The following PDE1A variants were observed in gnomAD, a reference collection of about 807,000 sequenced individuals.
PDE1A encodes dual specificity calcium/calmodulin-dependent 3',5'-cyclic nucleotide phosphodiesterase 1A.
A neutral mutation model predicts 61.7 loss-of-function variants in PDE1A; 35 were observed. The ratio of observed to expected loss-of-function variants is 0.57; its 90% CI spans 0.43 to 0.75. The LOEUF (loss-of-function observed/expected upper bound fraction) is 0.75. Ranked by LOEUF, PDE1A falls within the 30% of genes least tolerant of loss-of-function variation. The pLI, the probability that PDE1A is intolerant of heterozygous loss-of-function variation, is 0.00. For missense variants in PDE1A, 597 were observed against 630.6 expected, an observed-to-expected ratio of 0.95 and a Z score of 0.57; for synonymous variants, 232 against 213.2, an observed-to-expected ratio of 1.09 and a Z score of -0.77.
chr2:182,241,131 C>A (rs1269976956), intron 2 of PDE1A, among the ~76,000 whole-genome samples: 2 of 152,130 alleles, frequency 1.3e-5, no homozygotes, highest in East Asian at 1.9e-4. Flanking sequence ...AAGGAAACAT[C>A]GTTATTTTAA....
At chr2:182,597,145 C>T in the PDE1A span, among the ~76,000 whole-genome samples, 1 of 150,200 alleles carries the variant, frequency 6.7e-6, no homozygotes, top group Admixed American at 6.6e-5. Context: ...GAGTGAGACC[C>T]CATCTCAAAA....
At chr2:182,327,677 T>C (rs1475306427) in intron 1 of PDE1A, among the ~76,000 whole-genome samples, 1 of 152,180 alleles carries the variant, frequency 6.6e-6, no homozygotes, top group Non-Finnish European at 1.5e-5. Context: ...ACAAGGTCAC[T>C]GAAGACTGGC....
At chr2:182,162,233 C>T (rs1691422308) in intron 13 of PDE1A, among the ~76,000 whole-genome samples, 1 of 152,114 alleles carries the variant, frequency 6.6e-6, no homozygotes, top group African/African-American at 2.4e-5. Context: ...ATAATTGGAT[C>T]CCTGGGTGGC....
the PDE1A span, among the ~76,000 whole-genome samples, chr2:182,660,856 G>A: frequency 6.6e-6 from 1 of 152,238 alleles, no homozygotes; most frequent in African/African-American, 2.4e-5. Context: ...CAAACAGAGA[G>A]TTCAGCTAAC....
At chr2:182,521,267 T>A (rs1264025698) in intron 2 of PDE1A, among the ~76,000 whole-genome samples, 8 of 152,050 alleles carry the variant, frequency 5.3e-5, no homozygotes, top group Admixed American at 5.2e-4. Context: ...ACTGAATTTT[T>A]AAAAATAGTG....
chr2:182,312,109 T>C (rs1252265171), intron 1 of PDE1A, among the ~76,000 whole-genome samples: 1 of 152,142 alleles, frequency 6.6e-6, no homozygotes, highest in Non-Finnish European at 1.5e-5. Flanking sequence ...TCTTTTAAAT[T>C]TTTTTCCCAT....
chr2:182,410,235 T>C (rs1241436436), intron 1 of PDE1A, among the ~76,000 whole-genome samples: 2 of 151,992 alleles, frequency 1.3e-5, no homozygotes, highest in Admixed American at 6.6e-5. Flanking sequence ...GGCATGGTGG[T>C]GCACACCTGC....
chr2:182,404,169 G>A lies in PDE1A; in HGVS notation c.53+22409C>T, dbSNP rs928801804. Among the ~76,000 whole-genome samples, 11 of 152,238 alleles carry A rather than the reference G, an allele frequency of 7.2e-5. No individual in the cohort carries two copies. In the East Asian group the frequency reaches 2.1e-3, roughly 29 times the overall value. The stretch of plus-strand genomic sequence containing the variant: ...TCAAATAGGCTGAAAATTCATCCAA[G>A]TCTCAAACCTGACGACTCTGCCTTT... On this transcript the variant is annotated intron_variant, in intron 1 of 13. Transcript: ENST00000351439.
chr2:182,203,855 G>A (rs1001759314), intron 8 of PDE1A, among the ~76,000 whole-genome samples: 3 of 151,750 alleles, frequency 2.0e-5, no homozygotes, highest in Non-Finnish European at 2.9e-5. Flanking sequence ...GTTATCAAAC[G>A]TATAGCATCA....
At chr2:182,258,029 G>A (rs563310482) in intron 2 of PDE1A, among the ~76,000 whole-genome samples, 2 of 152,082 alleles carry the variant, frequency 1.3e-5, no homozygotes, top group Non-Finnish European at 2.9e-5. Flanking sequence ...TTAGCTGGGT[G>A]TGGTGGCAGG....
intron 1 of PDE1A, among the ~76,000 whole-genome samples, chr2:182,321,569 G>A (rs1365891467): frequency 1.3e-5 from 2 of 152,130 alleles, no homozygotes; most frequent in Admixed American, 6.5e-5. Context: ...AGAGAGAGGA[G>A]CCACAAAGAA....
At chr2:182,319,163 T>G (rs1486044434) in intron 1 of PDE1A, among the ~76,000 whole-genome samples, 1 of 152,164 alleles carries the variant, frequency 6.6e-6, no homozygotes, top group East Asian at 1.9e-4. Flanking sequence ...TGATTCTTTT[T>G]GATTTCTGTA....
At chr2:182,619,762 A>G in the PDE1A span, among the ~76,000 whole-genome samples, 6 of 152,130 alleles carry the variant, frequency 3.9e-5, no homozygotes, top group Non-Finnish European at 7.4e-5. Flanking sequence ...TTGTGTTGCT[A>G]TAACAGACCA....
the PDE1A span, among the ~76,000 whole-genome samples, chr2:182,644,314 T>C: frequency 1.3e-5 from 2 of 151,216 alleles, no homozygotes; most frequent in South Asian, 4.2e-4. Context: ...TGTGTGTCTG[T>C]GTATGTAAAG....
the PDE1A span, among the ~76,000 whole-genome samples, chr2:182,667,325 G>T: frequency 6.6e-6 from 1 of 152,148 alleles, no homozygotes; most frequent in Non-Finnish European, 1.5e-5. Flanking sequence ...AAATATGGCT[G>T]CTTTATCTTT....
intron 1 of PDE1A, among the ~76,000 whole-genome samples, chr2:182,401,704 G>T (rs1023129141): frequency 6.6e-6 from 1 of 152,114 alleles, no homozygotes; most frequent in Non-Finnish European, 1.5e-5. Flanking sequence ...AGAAATAAAG[G>T]GTATTCAAAT....
At chr2:182,524,970 C>T (rs1690754388), upstream of PDE1A, among the ~76,000 whole-genome samples, 1 of 151,716 alleles carries the variant, frequency 6.6e-6, no homozygotes, top group East Asian at 1.9e-4. Flanking sequence ...TTAGTATCTA[C>T]TATTGCCAAA....
chr2:182,404,903 T>C (rs1702216734), intron 1 of PDE1A, among the ~76,000 whole-genome samples: 1 of 152,214 alleles, frequency 6.6e-6, no homozygotes, highest in African/African-American at 2.4e-5. Context: ...GAATACTCTA[T>C]AAAATAACAA....
chr2:182,625,908 A>C, the PDE1A span, among the ~76,000 whole-genome samples: 2 of 152,206 alleles, frequency 1.3e-5, no homozygotes, highest in Non-Finnish European at 2.9e-5. Context: ...CCTGTATGTG[A>C]GAAAAACAAA....
Sources: gnomAD v4.1 joint callset for allele counts (sites outside exome capture counted in the v4.1 genomes callset) on GRCh38, gnomAD v4.1.1 for gene constraint, MANE v1.5 for transcripts, NCBI Gene and HGNC (gene_info 2026-07-23, HGNC 2026-07-21) for gene names.